ADAMTS19: variants seen among roughly 807,000 people sequenced by gnomAD.
ADAMTS19 encodes ADAM metallopeptidase with thrombospondin type 1 motif 19, also known as A disintegrin and metalloproteinase with thrombospondin motifs 19.
A neutral mutation model predicts 153.3 loss-of-function variants in ADAMTS19; 93 were observed. The ratio of observed to expected loss-of-function variants is 0.61; its 90% CI spans 0.51 to 0.72. The LOEUF (loss-of-function observed/expected upper bound fraction) is 0.72, where lower values mean the gene tolerates loss of function less well. ADAMTS19 is among the 30% of genes least tolerant of loss of function. The pLI is 0.00. For synonymous variants in ADAMTS19, 600 were observed against 556.6 expected, an observed-to-expected ratio of 1.08 and a Z score of -1.10; for missense variants, 1,482 against 1,552.1, an observed-to-expected ratio of 0.95 and a Z score of 0.76.
intron 2 of ADAMTS19, among the ~76,000 whole-genome samples, chr5:129,495,704 C>A (rs986466103): frequency 6.6e-6 from 1 of 152,016 alleles, no homozygotes; most frequent in Non-Finnish European, 1.5e-5. Context: ...GAATTTGGAA[C>A]CAACTTACCC....
intron 18 of ADAMTS19, among the ~76,000 whole-genome samples, chr5:129,688,840 G>T (rs1018348318): frequency 6.6e-6 from 1 of 152,078 alleles, no homozygotes; most frequent in Non-Finnish European, 1.5e-5. Context: ...TGTTCACTTT[G>T]CGTTAGAGTT....
intron 3 of ADAMTS19, among the ~76,000 whole-genome samples, chr5:129,522,680 G>T (rs1464940596): frequency 6.6e-6 from 1 of 151,900 alleles, no homozygotes; most frequent in Non-Finnish European, 1.5e-5. Flanking sequence ...CAGCAACAGT[G>T]GTGGGATCCG....
chr5:129,672,396 GA>G (rs1243888705), intron 16 of ADAMTS19, among the ~76,000 whole-genome samples: 2 of 152,122 alleles, frequency 1.3e-5, no homozygotes, highest in East Asian at 3.9e-4. Context: ...AACAAAGTGG[GA>G]ACAGGAAGCC....
intron 21 of ADAMTS19, among the ~76,000 whole-genome samples, chr5:129,710,819 C>G (rs990916939): frequency 2.6e-5 from 4 of 152,156 alleles, no homozygotes; most frequent in African/African-American, 9.7e-5. Context: ...CAAGAATATA[C>G]TGAAGTAACT....
intron 7 of ADAMTS19, among the ~76,000 whole-genome samples, chr5:129,565,949 T>G (rs1753691129): frequency 6.6e-6 from 1 of 152,156 alleles, no homozygotes. Context: ...TTTTCCTTTT[T>G]GTTTAATCAT....
At chr5:129,733,520 A>G (rs748950696) in intron 21 of ADAMTS19, among the ~76,000 whole-genome samples, 1 of 152,024 alleles carries the variant, frequency 6.6e-6, no homozygotes, top group Non-Finnish European at 1.5e-5. Flanking sequence ...ATTCCTCAGG[A>G]GAGACACACA....
At chr5:129,723,103 C>T (rs1278671991) in intron 21 of ADAMTS19, among the ~76,000 whole-genome samples, 1 of 152,108 alleles carries the variant, frequency 6.6e-6, no homozygotes, top group East Asian at 1.9e-4. Flanking sequence ...CTGCTCAGTG[C>T]TATCATCTGT....
At chr5:129,578,554 T>A (rs561510123) in intron 7 of ADAMTS19, among the ~76,000 whole-genome samples, 13 of 151,980 alleles carry the variant, frequency 8.6e-5, no homozygotes, top group African/African-American at 1.4e-4. Context: ...CATTAACCCG[T>A]CATCTATGTT....
intron 3 of ADAMTS19, among the ~76,000 whole-genome samples, chr5:129,514,472 A>G (rs1751534383): frequency 6.6e-6 from 1 of 152,126 alleles, no homozygotes; most frequent in South Asian, 2.1e-4. Flanking sequence ...CTTTTGAATA[A>G]AAGCCATTTT....
chr5:129,540,317 TC>T (rs1227602496), intron 6 of ADAMTS19, among the ~76,000 whole-genome samples: 1 of 152,108 alleles, frequency 6.6e-6, no homozygotes, highest in African/African-American at 2.4e-5. Flanking sequence ...TGTCAAATTG[TC>T]CTGTGCAGTA....
At chr5:129,621,062 G>A (rs1044824548) in intron 9 of ADAMTS19, among the ~76,000 whole-genome samples, 6 of 152,018 alleles carry the variant, frequency 3.9e-5, no homozygotes, top group Admixed American at 6.6e-5. Flanking sequence ...TTTGCCCAGT[G>A]GAAATATTCA....
intron 7 of ADAMTS19, among the ~76,000 whole-genome samples, chr5:129,553,988 CAA>C (rs1432487079): frequency 3.3e-5 from 5 of 151,866 alleles, no homozygotes; most frequent in East Asian, 1.9e-4. Flanking sequence ...GCAGCGATAA[CAA>C]AAAATGCAAA....
At chr5:129,487,251 T>A (rs1002815759) in intron 2 of ADAMTS19, among the ~76,000 whole-genome samples, 4 of 152,124 alleles carry the variant, frequency 2.6e-5, no homozygotes, top group African/African-American at 9.7e-5. Flanking sequence ...TGCCAAGATA[T>A]GGATAAAAAT....
At chr5:129,531,676 C>T (rs1016589653) in intron 6 of ADAMTS19, among the ~76,000 whole-genome samples, 31 of 151,870 alleles carry the variant, frequency 2.0e-4, no homozygotes, top group Admixed American at 3.9e-4. Flanking sequence ...CATTCTGTCA[C>T]AGGAATGAAA....
At chr5:129,528,104 T>A (rs1254045051) in intron 5 of ADAMTS19, among the ~76,000 whole-genome samples, 1 of 151,996 alleles carries the variant, frequency 6.6e-6, no homozygotes, top group African/African-American at 2.4e-5. Flanking sequence ...TTTTATTCTA[T>A]TATTTAGATG....
chr5:129,699,592 G>A (rs187908281), intron 19 of ADAMTS19, among the ~76,000 whole-genome samples: 40 of 152,180 alleles, frequency 2.6e-4, no homozygotes, highest in African/African-American at 8.9e-4. Flanking sequence ...GCTTCCCTAG[G>A]GAATATCTAA....
In ADAMTS19 at chr5:129,679,769, C is replaced by T. The variant is rs1561644815; in HGVS notation, c.2512C>T (p.Arg838Ter). The change falls in exon 17 of 23, where the codon CGA (arginine) becomes TGA (stop). Residue 838 changes from arginine (R) to a stop codon, truncating the protein, a stop_gained. Coordinates refer to ENST00000274487, the MANE Select transcript of ADAMTS19 (RefSeq NM_133638.6). LOFTEE classifies it high-confidence loss of function. The stretch of plus-strand genomic sequence containing the variant: ...ATTTTTGAACCTCTTTATAGCTCTC[C>T]GAGATGCTGGCAAACAGTCTATTAA... ...EKPAHSYLAL[R>*]DAGKQSINSD... 1.9e-6 allele frequency: 3 copies of T among 1,609,012 alleles called. No individual in the cohort carries two copies. Among genetic ancestry groups the T allele is most frequent in the Non-Finnish European group, 2.5e-6 (3 of 1,177,990 alleles).
At chr5:129,546,151 CCG>C (rs1752845885) in intron 6 of ADAMTS19, among the ~76,000 whole-genome samples, 1 of 148,914 alleles carries the variant, frequency 6.7e-6, no homozygotes, top group Non-Finnish European at 1.5e-5. Context: ...AAACCAAACA[CCG>C]CATATTCTCA....
intron 10 of ADAMTS19, among the ~76,000 whole-genome samples, chr5:129,638,655 A>G (rs1024535055): frequency 9.2e-5 from 14 of 152,058 alleles, no homozygotes; most frequent in Non-Finnish European, 1.6e-4. Flanking sequence ...GAATGTTTCT[A>G]AAATTTTATT....
Sources: allele counts gnomAD v4.1 joint callset (sites outside exome capture counted in the v4.1 genomes callset), GRCh38; gene constraint gnomAD v4.1.1; transcripts MANE v1.5; gene names NCBI Gene and HGNC (gene_info 2026-07-23, HGNC 2026-07-21).